Variants in KCNB2 observed in about 807,000 individuals in gnomAD.
The protein encoded by KCNB2 is potassium voltage-gated channel subfamily B member 2, also known as delayed rectifier potassium channel protein.
Under a neutral mutation model 61.5 loss-of-function variants are expected in KCNB2, and 15 were observed. The ratio of observed to expected loss-of-function variants is 0.24; its 90% CI spans 0.16 to 0.38. The LOEUF (loss-of-function observed/expected upper bound fraction) is 0.38. KCNB2 is among the 10% of genes least tolerant of loss of function. The pLI is 1.00. For synonymous variants in KCNB2, 457 were observed against 446.0 expected (o/e 1.02, Z -0.31); for missense variants, 828 against 1,125.2 (o/e 0.74, Z 3.78).
chr8:72,551,338 G>A (rs987702092), intron 1 of KCNB2, among the ~76,000 whole-genome samples: 1 of 152,080 alleles, frequency 6.6e-6, no homozygotes, highest in African/African-American at 2.4e-5. Context: ...CAACTTGGGG[G>A]CTACCATATT....
chr8:72,815,041 TGAA>T (rs1041982503), intron 2 of KCNB2, among the ~76,000 whole-genome samples: 1 of 152,184 alleles, frequency 6.6e-6, no homozygotes, highest in African/African-American at 2.4e-5. Context: ...TTAAAGGTCA[TGAA>T]GAAGAAGTTG....
Position 72,920,453 on chromosome 8 carries a change from C to CTA in KCNB2, c.580-15480_580-15479dup. Among the ~76,000 whole-genome samples, 341 of 43,092 alleles carry CTA rather than the reference C, an allele frequency of 7.9e-3. 33 individuals are homozygous for CTA. Among genetic ancestry groups the CTA allele is most frequent in the Non-Finnish European group, 7.9e-3 (148 of 18,654 alleles). 28.3% of individuals were successfully genotyped at this position (43,092 alleles called of 152,430 possible). On this transcript the variant is annotated intron_variant, in intron 2 of 2. Transcript: ENST00000523207. ...CCCCCTCTCCACTATATCTATCTATCTATCTATCTATCTATCTATCTATAT... is the reference window on the plus strand; with the variant it reads ...CCCCCTCTCCACTATATCTATCTATCTATATCTATCTATCTATCTATCTATAT...
intron 2 of KCNB2, among the ~76,000 whole-genome samples, chr8:72,832,252 C>T (rs142401303): frequency 5.8e-4 from 89 of 152,256 alleles, no homozygotes; most frequent in African/African-American, 2.1e-3. Flanking sequence ...ACTCTTTGGA[C>T]TTTATTTTGC....
chr8:72,643,317 C>T (rs987243729), intron 2 of KCNB2, among the ~76,000 whole-genome samples: 1 of 152,124 alleles, frequency 6.6e-6, no homozygotes, highest in African/African-American at 2.4e-5. Flanking sequence ...ATGGGATGGG[C>T]TAGAACTCCC....
intron 2 of KCNB2, among the ~76,000 whole-genome samples, chr8:72,868,916 C>A (rs1295025829): frequency 6.6e-6 from 1 of 152,090 alleles, no homozygotes; most frequent in African/African-American, 2.4e-5. Flanking sequence ...AGCAAATGAC[C>A]CTTCAACAGG....
At chr8:72,561,711 A>ACG (rs1563523336) in intron 1 of KCNB2, among the ~76,000 whole-genome samples, 1 of 23,994 alleles carries the variant, frequency 4.2e-5, no homozygotes, top group African/African-American at 2.6e-4. Flanking sequence ...ATATATATAT[A>ACG]TATATATATA....
chr8:72,771,395 A>G (rs1157520539), intron 2 of KCNB2, among the ~76,000 whole-genome samples: 1 of 152,152 alleles, frequency 6.6e-6, no homozygotes, highest in Non-Finnish European at 1.5e-5. Flanking sequence ...TTCTGCTTTC[A>G]TCACATCAAC....
At chr8:72,853,961 A>G (rs541592608) in intron 2 of KCNB2, among the ~76,000 whole-genome samples, 1 of 152,342 alleles carries the variant, frequency 6.6e-6, no homozygotes, top group Non-Finnish European at 1.5e-5. Flanking sequence ...CCTCCTCACT[A>G]TCCATGAGAT....
chr8:72,588,451 C>A (rs1807035135), intron 2 of KCNB2, among the ~76,000 whole-genome samples: 1 of 151,906 alleles, frequency 6.6e-6, no homozygotes, highest in Admixed American at 6.6e-5. Flanking sequence ...GATCCGCCGA[C>A]CTCAGGTGAT....
Position 72,561,729 on chromosome 8 carries a change from CTATATCTATATATATAT to C in KCNB2, c.-93-5912_-93-5896del, listed in dbSNP as rs1563523415. Among the ~76,000 whole-genome samples the C allele has an allele frequency of 2.3e-3, 47 of 20,392 alleles. 9 individuals are homozygous for C. In the East Asian group the frequency reaches 0.027, roughly 12 times the overall value. 13.4% of individuals were successfully genotyped at this position (20,392 alleles called of 152,430 possible). A position where few individuals can be genotyped will look rare whatever the true frequency, so the allele number is the denominator to read the frequency against. On this transcript the variant is annotated intron_variant, in intron 1 of 2. Transcript: ENST00000523207. ...TATATATATATATATATATATATAT[CTATATCTATATATATAT>C]GTATATATATATATGGATATATATA...
intron 2 of KCNB2, among the ~76,000 whole-genome samples, chr8:72,573,607 C>T (rs1806748257): frequency 6.6e-6 from 1 of 151,594 alleles, no homozygotes. Context: ...CATTGAGGCC[C>T]CTCTGTGTAC....
intron 2 of KCNB2, among the ~76,000 whole-genome samples, chr8:72,580,577 A>G (rs962272020): frequency 6.6e-6 from 1 of 152,160 alleles, no homozygotes; most frequent in Non-Finnish European, 1.5e-5. Flanking sequence ...TAAATATTTC[A>G]CATTTTGAAC....
chr8:72,689,145 T>G (rs749890917), intron 2 of KCNB2, among the ~76,000 whole-genome samples: 1 of 152,166 alleles, frequency 6.6e-6, no homozygotes, highest in Admixed American at 6.5e-5. Context: ...GAGAGAGAGA[T>G]AGTACTTTAA....
chr8:72,589,851 T>C (rs1023722503), intron 2 of KCNB2, among the ~76,000 whole-genome samples: 1 of 152,204 alleles, frequency 6.6e-6, no homozygotes, highest in Non-Finnish European at 1.5e-5. Flanking sequence ...ATGGTGATTA[T>C]ACAACTAAGG....
intron 2 of KCNB2, among the ~76,000 whole-genome samples, chr8:72,759,882 A>G (rs932883772): frequency 2.6e-5 from 4 of 152,142 alleles, no homozygotes; most frequent in African/African-American, 7.2e-5. Context: ...ATGAGATGAG[A>G]TCAGAGTCAA....
At chr8:72,925,308 T>G (rs1585979373) in intron 2 of KCNB2, among the ~76,000 whole-genome samples, 1 of 152,268 alleles carries the variant, frequency 6.6e-6, no homozygotes, top group Non-Finnish European at 1.5e-5. Context: ...TTGCAGAAAT[T>G]GGAAGTTGGA....
At chr8:72,560,953 C>T (rs190343553) in intron 1 of KCNB2, among the ~76,000 whole-genome samples, 27 of 152,058 alleles carry the variant, frequency 1.8e-4, no homozygotes, top group South Asian at 1.0e-3. Flanking sequence ...AATTATATTA[C>T]GGGGTCTAAA....
chr8:72,913,857 C>A (rs1054965290), intron 2 of KCNB2, among the ~76,000 whole-genome samples: 2 of 152,164 alleles, frequency 1.3e-5, no homozygotes, highest in African/African-American at 4.8e-5. Flanking sequence ...TGTTTGAATT[C>A]TCTCTTGTGA....
At chr8:72,685,939 A>C (rs2128989563) in intron 2 of KCNB2, among the ~76,000 whole-genome samples, 1 of 152,316 alleles carries the variant, frequency 6.6e-6, no homozygotes, top group African/African-American at 2.4e-5. Context: ...CAGTGAGCCG[A>C]GATCGCGCCA....
Sources: allele counts gnomAD v4.1 joint callset (sites outside exome capture counted in the v4.1 genomes callset), GRCh38; gene constraint gnomAD v4.1.1; transcripts MANE v1.5; gene names NCBI Gene and HGNC (gene_info 2026-07-23, HGNC 2026-07-21).